The following GPATCH2 variants were observed in gnomAD, a reference collection of about 807,000 sequenced individuals.
GPATCH2 encodes G-patch domain containing 2, also known as G patch domain-containing protein 2.
GPATCH2 carries 51 observed loss-of-function variants against 58.0 expected under a neutral mutation model. The observed-to-expected ratio is 0.88, with a 90% CI of 0.70 to 1.11. The LOEUF (loss-of-function observed/expected upper bound fraction) is 1.11, where lower values mean the gene tolerates loss of function less well. GPATCH2 is among the 50% of genes most tolerant of loss of function. GPATCH2 has a pLI of 0.00. For synonymous variants in GPATCH2, 222 were observed against 218.5 expected (o/e 1.02, Z -0.14); for missense variants, 625 against 652.2 (o/e 0.96, Z 0.45).
At chr1:217,609,165 T>TTA in intron 5 of GPATCH2, 1 of 972,550 alleles carries the variant, frequency 1.0e-6, no homozygotes, top group African/African-American at 1.8e-5. Context: ...GCTGAACTTA[T>TTA]TATAGTGTCT....
At chr1:217,533,997 C>T (rs1664335399) in intron 5 of GPATCH2, among the ~76,000 whole-genome samples, 1 of 152,064 alleles carries the variant, frequency 6.6e-6, no homozygotes. Context: ...GGGCAGATCA[C>T]CTGAGGTCAA....
chr1:217,468,500 G>A (rs1306818119), intron 8 of GPATCH2, among the ~76,000 whole-genome samples: 3 of 136,506 alleles, frequency 2.2e-5, no homozygotes, highest in African/African-American at 8.5e-5. Flanking sequence ...AAAATGTCAA[G>A]GAATGCACAC....
At chr1:217,585,746 G>A (rs920156307) in intron 5 of GPATCH2, among the ~76,000 whole-genome samples, 5 of 152,144 alleles carry the variant, frequency 3.3e-5, no homozygotes, top group African/African-American at 1.2e-4. Flanking sequence ...GCCATGCATT[G>A]CTTAACACCA....
chr1:217,468,998 A>G (rs1255640004), intron 8 of GPATCH2, among the ~76,000 whole-genome samples: 1 of 152,158 alleles, frequency 6.6e-6, no homozygotes, highest in Non-Finnish European at 1.5e-5. Context: ...TGCCAGTATA[A>G]GTCATTACAG....
chr1:217,516,814 A>G (rs1340540251), intron 5 of GPATCH2, among the ~76,000 whole-genome samples: 1 of 152,210 alleles, frequency 6.6e-6, no homozygotes, highest in African/African-American at 2.4e-5. Context: ...AAAAATAAAC[A>G]ACGTGTTGAC....
At chr1:217,575,566 T>C (rs1037557630) in intron 5 of GPATCH2, among the ~76,000 whole-genome samples, 2 of 152,184 alleles carry the variant, frequency 1.3e-5, no homozygotes, top group Non-Finnish European at 2.9e-5. Flanking sequence ...TGATTCTTTA[T>C]GTGCTTCCAA....
intron 1 of GPATCH2, among the ~76,000 whole-genome samples, chr1:217,623,523 T>C (rs1031875638): frequency 6.6e-6 from 1 of 151,938 alleles, no homozygotes; most frequent in African/African-American, 2.4e-5. Flanking sequence ...ATATTAGCAG[T>C]TATATATGCA....
chr1:217,613,137 C>T (rs1668714916), intron 3 of GPATCH2, among the ~76,000 whole-genome samples: 1 of 151,788 alleles, frequency 6.6e-6, no homozygotes, highest in Non-Finnish European at 1.5e-5. Flanking sequence ...AGGATGGTTA[C>T]CCTTGCATTT....
At chr1:217,442,965 T>C (rs1471732333) in intron 9 of GPATCH2, among the ~76,000 whole-genome samples, 1 of 152,208 alleles carries the variant, frequency 6.6e-6, no homozygotes, top group Non-Finnish European at 1.5e-5. Flanking sequence ...GAAGACTATA[T>C]GCAATATTTC....
At chr1:217,498,118 C>A (rs1404559397) in intron 7 of GPATCH2, 2 of 594,848 alleles carry the variant, frequency 3.4e-6, no homozygotes, top group Non-Finnish European at 3.0e-6. Flanking sequence ...AGAGTCTTTC[C>A]ATGGAGGTCA....
intron 9 of GPATCH2, among the ~76,000 whole-genome samples, chr1:217,440,886 T>C (rs994067205): frequency 1.3e-5 from 2 of 152,196 alleles, no homozygotes; most frequent in African/African-American, 4.8e-5. Flanking sequence ...AAACATTCCA[T>C]GCTCATGGAT....
In GPATCH2 at chr1:217,597,395, G is replaced by A. The variant is rs968290581; in HGVS notation, c.1098+12926C>T. Among the ~76,000 whole-genome samples, 8 of 151,270 alleles carry A rather than the reference G, an allele frequency of 5.3e-5. No individual in the cohort carries two copies. The East Asian group carries it at 5.8e-4, about 11-fold the overall frequency. Reference sequence around the variant, plus strand: ...CAGAAGATGAAAATCAAACGGATGCGAGGCTGACCGCCCAGCTTCTTCTAT... The same window carrying A: ...CAGAAGATGAAAATCAAACGGATGCAAGGCTGACCGCCCAGCTTCTTCTAT... On this transcript the variant is annotated intron_variant, in intron 5 of 9. Transcript: ENST00000366935.
chr1:217,547,306 T>C (rs1665105727), intron 5 of GPATCH2, among the ~76,000 whole-genome samples: 1 of 151,082 alleles, frequency 6.6e-6, no homozygotes, highest in Non-Finnish European at 1.5e-5. Flanking sequence ...GAGGTTGCAG[T>C]GAGCAGAGAT....
chr1:217,462,294 TG>T (rs1416742402), intron 8 of GPATCH2, among the ~76,000 whole-genome samples: 1 of 152,198 alleles, frequency 6.6e-6, no homozygotes, highest in Admixed American at 6.5e-5. Context: ...CAAGTCCCTA[TG>T]TTTTATAAAC....
intron 5 of GPATCH2, among the ~76,000 whole-genome samples, chr1:217,564,058 A>T (rs1220296171): frequency 6.6e-6 from 1 of 151,478 alleles, no homozygotes; most frequent in Non-Finnish European, 1.5e-5. Context: ...AAAAAAAAAA[A>T]AAAAAAAAAA....
intron 5 of GPATCH2, among the ~76,000 whole-genome samples, chr1:217,572,945 T>C (rs1291253327): frequency 6.6e-6 from 1 of 152,218 alleles, no homozygotes; most frequent in Non-Finnish European, 1.5e-5. Context: ...TTTCCAAATG[T>C]AATTTTTGTA....
At chr1:217,537,921 C>A (rs1408756972) in intron 5 of GPATCH2, among the ~76,000 whole-genome samples, 2 of 152,106 alleles carry the variant, frequency 1.3e-5, no homozygotes, top group African/African-American at 4.8e-5. Flanking sequence ...ATATTTATTT[C>A]TTTCAGTAAC....
At chr1:217,533,784 AT>A (rs1207851067) in intron 5 of GPATCH2, among the ~76,000 whole-genome samples, 1 of 152,256 alleles carries the variant, frequency 6.6e-6, no homozygotes, top group Non-Finnish European at 1.5e-5. Context: ...ACAGGTTTTC[AT>A]TAAGCTCTTT....
At chr1:217,550,309 AG>A (rs1665283765) in intron 5 of GPATCH2, among the ~76,000 whole-genome samples, 2 of 152,146 alleles carry the variant, frequency 1.3e-5, no homozygotes, top group Admixed American at 6.5e-5. Context: ...GCCCAATAAA[AG>A]ATCATTATTA....
Sources: gnomAD v4.1 joint callset for allele counts (sites outside exome capture counted in the v4.1 genomes callset) on GRCh38, gnomAD v4.1.1 for gene constraint, MANE v1.5 for transcripts, NCBI Gene and HGNC (gene_info 2026-07-23, HGNC 2026-07-21) for gene names.